CALCB: variants seen among roughly 807,000 people sequenced by gnomAD.
The protein encoded by CALCB is calcitonin gene-related peptide 2.
Under a neutral mutation model 10.7 loss-of-function variants are expected in CALCB, and 8 were observed. The ratio of observed to expected loss-of-function variants is 0.75; its 90% CI spans 0.44 to 1.34. The LOEUF is 1.34. CALCB is among the 40% of genes most tolerant of loss of function. The pLI is 0.01. For missense variants in CALCB, 176 were observed against 162.5 expected (o/e 1.08, Z -0.45); for synonymous variants, 76 against 66.9 (o/e 1.14, Z -0.66).
chr11:15,077,426 G>A lies in CALCB; in HGVS notation c.365G>A (p.Arg122His), dbSNP rs767167613. 2.9e-5 allele frequency: 47 copies of A among 1,614,028 alleles called. No homozygotes were observed. The Admixed American group carries it at 4.8e-4, about 17-fold the overall frequency. ...NVGSKAFGRR[R>H]RDLQA ...GGTTCCAAAGCCTTTGGCAGGCGCC[G>A]CAGGGACCTTCAAGCCTGAGCAGAT... is the stretch of plus-strand genomic sequence containing the variant. The change falls in exon 4 of 5, where the codon CGC becomes CAC. Residue 122 changes from arginine to histidine, a missense_variant. Arg to His is a conservative substitution (Grantham distance 29). Coordinates refer to ENST00000324229, the MANE Select transcript of CALCB (RefSeq NM_000728.4).
At position 15,077,501 on chromosome 11, in the gene CALCB, G is replaced by A. The variant is rs1850407325; in HGVS notation, c.*25+31G>A. On this transcript the variant is annotated intron_variant, in intron 4 of 4. Transcript: ENST00000324229. ...TACCCTAATGCTATGGGATAAGAGG[G>A]GGAAGGGACTTGGAGTTAAAACCTA... The A allele has an allele frequency of 3.7e-6, 6 of 1,601,146 alleles. No individual in the cohort carries two copies. In the East Asian group the frequency reaches 1.1e-4, roughly 30 times the overall value.
intron 1 of CALCB, among the ~76,000 whole-genome samples, chr11:15,074,009 C>T (rs1384786140): frequency 6.6e-6 from 1 of 152,270 alleles, no homozygotes; most frequent in Admixed American, 6.5e-5. Context: ...CGTCTTTGTC[C>T]TTCGGGAGCA....
rs1426120564 is a variant in CALCB, at chr11:15,078,100, C to T, written c.*43C>T. ...AATCTCAGGTTATCATGAAACTGAA[C>T]TCACCATTTCTATTAATTTCTGTTG... is the stretch of plus-strand genomic sequence containing the variant. On this transcript the variant is annotated 3_prime_UTR_variant, in exon 5 of 5. Transcript: ENST00000324229. 6.6e-6 allele frequency: 1 copy of T among 152,004 alleles called. No individual in the cohort carries two copies. The highest frequency in any genetic ancestry group is 1.5e-5 in the Non-Finnish European group (1 of 68,042). 9.4% of individuals were successfully genotyped at this position (152,004 alleles called of 1,614,324 possible).
At position 15,078,287 on chromosome 11, in the gene CALCB, TA is replaced by T. The variant is rs2133642792; in HGVS notation, c.*234del. 1 of 152,348 alleles carries T rather than the reference TA, an allele frequency of 6.6e-6. No homozygotes were observed. The highest frequency in any genetic ancestry group is 1.9e-4 in the East Asian group (1 of 5,190). The allele number at this position is 152,348 out of a possible 1,614,324, so 9.4% of individuals were successfully genotyped here. A position where few individuals can be genotyped will look rare whatever the true frequency, so the allele number is the denominator to read the frequency against. ...TTTTTATATTTAATTCTATGTCCAG[TA>T]AAAGTGATGGCATCTCTCATTGACT... On this transcript the variant is annotated 3_prime_UTR_variant, in exon 5 of 5. Coordinates refer to ENST00000324229, the MANE Select transcript of CALCB (RefSeq NM_000728.4).
At chr11:15,074,573 C>A (rs911936921) in intron 1 of CALCB, 137 bp from the exon 2 acceptor site, 2 of 648,670 alleles carry the variant, frequency 3.1e-6, no homozygotes, top group Non-Finnish European at 2.7e-6. Flanking sequence ...TTCACAGCAG[C>A]CCTTCCTGCA....
At position 15,074,757 on chromosome 11, in the gene CALCB, T is replaced by C. The variant is rs1850378038; in HGVS notation, c.39T>C (p.Ser13=). ...FRKFSPFLAL[S]ILVLYQAGSL... ...AGTTCTCCCCCTTCCTGGCTCTCAG[T>C]ATCTTGGTCCTGTACCAGGCGGGCA... is the stretch of plus-strand genomic sequence containing the variant. The change falls in exon 2 of 5, where the codon AGT becomes AGC. Residue 13 remains serine (S), a synonymous_variant. Transcript: ENST00000324229. 6.8e-6 allele frequency: 11 copies of C among 1,614,000 alleles called. No individual in the cohort carries two copies. The highest frequency in any genetic ancestry group is 9.3e-6 in the Non-Finnish European group (11 of 1,180,016).
At chr11:15,074,963 C>A in intron 2 of CALCB, 98 bp from the exon 3 acceptor site, 1 of 1,517,498 alleles carries the variant, frequency 6.6e-7, no homozygotes, top group East Asian at 2.3e-5. Context: ...GGCCACATCC[C>A]CAGGGGAAGA....
rs776832564 is a variant in CALCB, at chr11:15,075,099, G to A, written c.125G>A (p.Ser42Asn). ...AGCAGCCCAGACCCGGCCACACTCA[G>A]TAAAGAGGACGCGCGCCTCCTGCTG... ...LESSPDPATLSKEDARLLLAA... is the reference protein window; with the variant it reads ...LESSPDPATLNKEDARLLLAA... Residue 42 changes from serine (S) to asparagine (N), a missense_variant, in exon 3 of 5, where the codon AGT (serine) becomes AAT (asparagine). Ser to Asn is a conservative substitution (Grantham distance 46). Transcript: ENST00000324229. The A allele has an allele frequency of 8.1e-6, 13 of 1,614,136 alleles. No homozygotes were observed. The highest frequency in any genetic ancestry group is 1.1e-5 in the Non-Finnish European group (13 of 1,180,054).
rs758630398 is a variant in CALCB at position 15,077,462 on chromosome 11, A to G, written c.*17A>G. On this transcript the variant is annotated 3_prime_UTR_variant, in exon 4 of 5. Transcript: ENST00000324229. Reference sequence around the variant, plus strand: ...CAAGCCTGAGCAGATGAATGACTCCAGGAAGAAGGTAACTACCCTAATGCT... The same window carrying G: ...CAAGCCTGAGCAGATGAATGACTCCGGGAAGAAGGTAACTACCCTAATGCT... 1.2e-5 allele frequency: 20 copies of G among 1,613,918 alleles called. No individual in the cohort carries two copies. In the East Asian group the frequency reaches 4.2e-4, roughly 34 times the overall value.
At chr11:15,073,714 C>T (rs1850368714) in intron 1 of CALCB, 51 bp downstream of exon 1, 2 of 152,594 alleles carry the variant, frequency 1.3e-5, no homozygotes, top group African/African-American at 4.8e-5. Flanking sequence ...CCTGCTTCTT[C>T]GACTAGTTCA....
At position 15,076,996 on chromosome 11, in the gene CALCB, G is replaced by A. The variant is rs540872388; in HGVS notation, c.225-290G>A. Among the ~76,000 whole-genome samples the A allele has an allele frequency of 1.3e-4, 20 of 152,268 alleles. No homozygotes were observed. In the South Asian group the frequency reaches 3.7e-3, roughly 28 times the overall value. On this transcript the variant is annotated intron_variant, in intron 3 of 4. Coordinates refer to ENST00000324229, the MANE Select transcript of CALCB (RefSeq NM_000728.4). ...TCTGTATACTCCTCGTGTATCTTGG[G>A]GTGGGTCTGGGCCTCGTTGCCCACT...
rs376521381 is a variant in CALCB, at chr11:15,075,011, G to C, written c.87-50G>C. The C allele has an allele frequency of 5.0e-5, 80 of 1,605,308 alleles. No individual in the cohort carries two copies. The African/African-American group carries it at 9.6e-4, about 19-fold the overall frequency. The stretch of plus-strand genomic sequence containing the variant: ...GAAGCCTGGCTGCCTATCCTGGGGA[G>C]GGTCAGTCAGGGGCTCACAGCCTGC... On this transcript the variant is annotated intron_variant, in intron 2 of 4. Coordinates refer to ENST00000324229, the MANE Select transcript of CALCB (RefSeq NM_000728.4).
At position 15,075,326 on chromosome 11, in the gene CALCB, C is replaced by G. The variant is rs547816124; in HGVS notation, c.224+128C>G. On this transcript the variant is annotated intron_variant, in intron 3 of 4. Transcript: ENST00000324229. ...GCAAGCTGATTTGTCCAGCAGGCTC[C>G]CTTTCTCAAGTTCCAAGGGAGACAG... is the stretch of plus-strand genomic sequence containing the variant. 22 of 1,511,352 alleles carry G rather than the reference C, an allele frequency of 1.5e-5. No individual in the cohort carries two copies. The Admixed American group carries it at 3.3e-4, about 23-fold the overall frequency. The allele number at this position is 1,511,352 out of a possible 1,614,324, so 93.6% of individuals were successfully genotyped here.
intron 3 of CALCB, among the ~76,000 whole-genome samples, chr11:15,075,933 G>C (rs563644749): frequency 6.6e-6 from 1 of 152,194 alleles, no homozygotes; most frequent in Non-Finnish European, 1.5e-5. Context: ...TGAGCATGAA[G>C]GGCTGAACAT....
In CALCB at chr11:15,075,058, C is replaced by T. The variant is rs774910789; in HGVS notation, c.87-3C>T. The T allele has an allele frequency of 6.2e-7, 1 of 1,614,238 alleles. No homozygotes were observed. The highest frequency in any genetic ancestry group is 1.7e-5 in the Admixed American group (1 of 60,032). On this transcript the variant is annotated splice_region_variant and splice_polypyrimidine_tract_variant and intron_variant, in intron 2 of 4. Coordinates refer to ENST00000324229, the MANE Select transcript of CALCB (RefSeq NM_000728.4). ...CTGCAAGGAGTTTGCTTCCCTTCCA[C>T]AGGTCTGCCCTGGAGAGCAGCCCAG... is the stretch of plus-strand genomic sequence containing the variant.
chr11:15,076,273 A>G (rs964425520), intron 3 of CALCB, among the ~76,000 whole-genome samples: 4 of 152,146 alleles, frequency 2.6e-5, no homozygotes, highest in African/African-American at 9.7e-5. Context: ...CCTGGCATCA[A>G]CTTCGGGCCT....
chr11:15,078,258 A>C lies in CALCB; in HGVS notation c.*201A>C, dbSNP rs1350040176. On this transcript the variant is annotated 3_prime_UTR_variant, in exon 5 of 5. Transcript: ENST00000324229. Reference sequence around the variant, plus strand: ...TAAGCTAATTCCATATTTGCTGTGCATCATTTTTATATTTAATTCTATGTC... The same window carrying C: ...TAAGCTAATTCCATATTTGCTGTGCCTCATTTTTATATTTAATTCTATGTC... The C allele has an allele frequency of 6.6e-6, 1 of 152,238 alleles. No individual in the cohort carries two copies. The highest frequency in any genetic ancestry group is 1.5e-5 in the Non-Finnish European group (1 of 68,046). The allele number at this position is 152,238 out of a possible 1,614,324, so 9.4% of individuals were successfully genotyped here. A position where few individuals can be genotyped will look rare whatever the true frequency, so the allele number is the denominator to read the frequency against.
rs753328677 is a variant in CALCB, at chr11:15,075,191, G to T, written c.217G>T (p.Gly73Cys). The T allele has an allele frequency of 3.1e-6, 5 of 1,614,016 alleles. No homozygotes were observed. The African/African-American group carries it at 6.7e-5, about 22-fold the overall frequency. Reference sequence around the variant, plus strand: ...GCTGAAGCAGGAGCAGGAGACACAGGGCTCCAGGTGAGGTTCCCCAAGCGC... The same window carrying T: ...GCTGAAGCAGGAGCAGGAGACACAGTGCTCCAGGTGAGGTTCCCCAAGCGC... Reference protein sequence around the residue: ...SELKQEQETQGSSSAAQKRAC... With the variant: ...SELKQEQETQCSSSAAQKRAC... The change falls in exon 3 of 5, where the codon GGC becomes TGC. Residue 73 changes from glycine to cysteine, a missense_variant. Gly to Cys is a radical substitution (Grantham distance 159). Transcript: ENST00000324229.
Position 15,075,081 on chromosome 11 carries a change from C to A in CALCB, c.107C>A (p.Pro36Gln). ...APFRSALESS[P>Q]DPATLSKEDA... The stretch of plus-strand genomic sequence containing the variant: ...CACAGGTCTGCCCTGGAGAGCAGCC[C>A]AGACCCGGCCACACTCAGTAAAGAG... The change falls in exon 3 of 5, where the codon CCA (proline) becomes CAA (glutamine). Residue 36 changes from proline to glutamine, a missense_variant. Transcript: ENST00000324229. The A allele has an allele frequency of 6.2e-7, 1 of 1,614,202 alleles. No individual in the cohort carries two copies. Among genetic ancestry groups the A allele is most frequent in the Non-Finnish European group, 8.5e-7 (1 of 1,180,032 alleles).
Sources: gnomAD v4.1 joint callset for allele counts (sites outside exome capture counted in the v4.1 genomes callset) on GRCh38, gnomAD v4.1.1 for gene constraint, MANE v1.5 for transcripts, NCBI Gene and HGNC (gene_info 2026-07-23, HGNC 2026-07-21) for gene names.